SAMD4B: variants seen among roughly 807,000 people sequenced by gnomAD.
SAMD4B encodes the protein protein Smaug homolog 2.
In SAMD4B, 5 loss-of-function variants were observed where a neutral mutation model predicts 74.5. The ratio of observed to expected loss-of-function variants is 0.07; its 90% CI spans 0.04 to 0.14. The LOEUF is 0.14. SAMD4B is among the 10% of genes least tolerant of loss of function. SAMD4B has a pLI of 1.00. For synonymous variants in SAMD4B, 373 were observed against 374.9 expected, an observed-to-expected ratio of 1.00 and a Z score of 0.06; for missense variants, 608 against 921.8, an observed-to-expected ratio of 0.66 and a Z score of 4.41.
intron 1 of SAMD4B, chr19:39,350,411 G>C (rs923654154): frequency 2.0e-5 from 3 of 152,212 alleles, no homozygotes; most frequent in Non-Finnish European, 4.4e-5. Context: ...TGGGCATATG[G>C]GCCTTTTCTC....
chr19:39,343,965 A>C (rs2075510687), intron 1 of SAMD4B, among the ~76,000 whole-genome samples: 1 of 132,820 alleles, frequency 7.5e-6, no homozygotes. Flanking sequence ...GACCCCTCTG[A>C]TATGCAGGTT....
intron 4 of SAMD4B, among the ~76,000 whole-genome samples, chr19:39,371,321 T>G (rs534891266): frequency 6.6e-6 from 1 of 152,254 alleles, no homozygotes; most frequent in African/African-American, 2.4e-5. Flanking sequence ...CTTGAGCCTG[T>G]TTTTCCCCCA....
chr19:39,375,618 C>G lies in SAMD4B; in HGVS notation c.668-32C>G. The G allele has an allele frequency of 6.3e-7, 1 of 1,588,948 alleles. No individual in the cohort carries two copies. Among genetic ancestry groups the G allele is most frequent in the Admixed American group, 1.7e-5 (1 of 59,240 alleles). On this transcript the variant is annotated intron_variant, in intron 4 of 13. Transcript: ENST00000610417. This position sits in a 1 kb window ranked among gnomAD's most constrained non-coding sequence, Gnocchi z 4.1. ...GTCTCCTGTGGTTGGGTCCCCAGGT[C>G]TAATATTTTGCTTTTCTCCCACTCT...
chr19:39,383,591 G>A lies in SAMD4B; in HGVS notation c.*64G>A, dbSNP rs942855390. ...CGGCGGGCGGGGGCCAACCCCCAACGGGCTTCTCCGCGACAGCGAGAGGGT... is the reference window on the plus strand; with the variant it reads ...CGGCGGGCGGGGGCCAACCCCCAACAGGCTTCTCCGCGACAGCGAGAGGGT... On this transcript the variant is annotated 3_prime_UTR_variant, in exon 14 of 14. Transcript: ENST00000610417. This position sits in a 1 kb window ranked among gnomAD's most constrained non-coding sequence, Gnocchi z 4.1. 9.3e-6 allele frequency: 15 copies of A among 1,613,890 alleles called. No homozygotes were observed. Among genetic ancestry groups the A allele is most frequent in the African/African-American group, 5.3e-5 (4 of 74,926 alleles).
At chr19:39,353,136 C>A (rs2076147799) in intron 1 of SAMD4B, among the ~76,000 whole-genome samples, 1 of 152,126 alleles carries the variant, frequency 6.6e-6, no homozygotes, top group African/African-American at 2.4e-5. Context: ...GGACTGAAAG[C>A]CACAAAATGC....
In SAMD4B at chr19:39,385,124, T is replaced by G. The variant is rs2145916646; in HGVS notation, c.*1597T>G. The G allele has an allele frequency of 6.5e-6, 1 of 154,794 alleles. No individual in the cohort carries two copies. Among genetic ancestry groups the G allele is most frequent in the African/African-American group, 2.4e-5 (1 of 41,604 alleles). The allele number at this position is 154,794 out of a possible 1,614,324, so 9.6% of individuals were successfully genotyped here. On this transcript the variant is annotated 3_prime_UTR_variant, in exon 14 of 14. Coordinates refer to ENST00000610417, the MANE Select transcript of SAMD4B (RefSeq NM_001384574.2). ...GGGCTGGGTGGGGTGTCAGGTTTAT[T>G]TATGTACCTCTTGCACACTCATCAA...
At chr19:39,368,664 A>G (rs2077114871) in intron 3 of SAMD4B, among the ~76,000 whole-genome samples, 1 of 152,220 alleles carries the variant, frequency 6.6e-6, no homozygotes, top group Non-Finnish European at 1.5e-5. Context: ...ATCTGGATGT[A>G]TGGGATCGAT....
intron 1 of SAMD4B, among the ~76,000 whole-genome samples, chr19:39,348,057 G>T (rs2075806172): frequency 6.6e-6 from 1 of 152,184 alleles, no homozygotes; most frequent in South Asian, 2.1e-4. Flanking sequence ...GGAGGTGACA[G>T]TTGAGCCTGA....
chr19:39,389,233 G>GGACA, downstream of SAMD4B: 1 of 1,607,612 alleles, frequency 6.2e-7, no homozygotes, highest in Non-Finnish European at 8.5e-7. The surrounding 1 kb of genome is among the most constrained non-coding windows in gnomAD (Gnocchi z 5.3). Context: ...AGGGGCCACT[G>GGACA]GACACACCTA....
At chr19:39,369,284 G>A (rs2145670333) in intron 3 of SAMD4B, 1 of 292,014 alleles carries the variant, frequency 3.4e-6, no homozygotes. Flanking sequence ...GCCCCAGTAT[G>A]GTGACCTCCT....
At chr19:39,386,842 T>A, downstream of SAMD4B, 2 of 1,356,530 alleles carry the variant, frequency 1.5e-6, no homozygotes, top group Non-Finnish European at 2.1e-6. The surrounding 1 kb of genome is among the most constrained non-coding windows in gnomAD (Gnocchi z 6.1). Context: ...AAGATGCAGT[T>A]AAAGACACAC....
chr19:39,378,055 C>T lies in SAMD4B; in HGVS notation c.1444+231C>T, dbSNP rs1179404081. The stretch of plus-strand genomic sequence containing the variant: ...CCCCTCAAAGCGTCTCCAGGCTGAG[C>T]AGAAATGGGGCAGTGGGTCAGAAGA... On this transcript the variant is annotated intron_variant, in intron 8 of 13. Coordinates refer to ENST00000610417, the MANE Select transcript of SAMD4B (RefSeq NM_001384574.2). The surrounding 1 kb of genome is among the most constrained non-coding windows in gnomAD (Gnocchi z 4.4). Among the ~76,000 whole-genome samples, 1 of 152,190 alleles carries T rather than the reference C, an allele frequency of 6.6e-6. No individual in the cohort carries two copies. The highest frequency in any genetic ancestry group is 1.5e-5 in the Non-Finnish European group (1 of 68,050).
In SAMD4B at chr19:39,375,224, G is replaced by C. The variant is rs2077532093; in HGVS notation, c.668-426G>C. On this transcript the variant is annotated intron_variant, in intron 4 of 13. Transcript: ENST00000610417. This position sits in a 1 kb window ranked among gnomAD's most constrained non-coding sequence, Gnocchi z 4.1. ...TGCATGGCCTTTTAGGCATGTGGAA[G>C]CATTTGTATTTTGTTCCCACTATGA... Among the ~76,000 whole-genome samples the C allele has an allele frequency of 6.6e-6, 1 of 152,206 alleles. No individual in the cohort carries two copies. The highest frequency in any genetic ancestry group is 1.5e-5 in the Non-Finnish European group (1 of 68,030).
chr19:39,371,681 G>A lies in SAMD4B; in HGVS notation c.667+1556G>A, dbSNP rs2077306147. ...AAAATATAAAAATTAGCTGGGTATG[G>A]TGGTGCATGCCTATAATTCCAGTTA... On this transcript the variant is annotated intron_variant, in intron 4 of 13. Transcript: ENST00000610417. Among the ~76,000 whole-genome samples the A allele has an allele frequency of 2.0e-5, 3 of 152,188 alleles. 1 individual carries two copies. In the South Asian group the frequency reaches 6.2e-4, roughly 32 times the overall value.
At chr19:39,372,997 C>T (rs2077396002) in intron 4 of SAMD4B, among the ~76,000 whole-genome samples, 1 of 152,138 alleles carries the variant, frequency 6.6e-6, no homozygotes, top group South Asian at 2.1e-4. Context: ...TTGCCCTGTC[C>T]CTTAGGTGAC....
chr19:39,376,677 T>C (rs1026403052), intron 6 of SAMD4B, 28 bp from the exon 7 acceptor site: 28 of 1,609,428 alleles, frequency 1.7e-5, no homozygotes, highest in Non-Finnish European at 2.0e-5. Context: ...CATCTCTAGC[T>C]TCCTGTCCCC....
At chr19:39,343,225 T>C (rs1840376023) in intron 1 of SAMD4B, among the ~76,000 whole-genome samples, 1 of 149,540 alleles carries the variant, frequency 6.7e-6, no homozygotes, top group South Asian at 2.1e-4. Context: ...CTCACCCGAC[T>C]TCCCCCTCCC....
intron 9 of SAMD4B, 91 bp from the exon 10 acceptor site, chr19:39,379,875 A>C: frequency 5.4e-6 from 6 of 1,116,202 alleles, no homozygotes; most frequent in Non-Finnish European, 6.6e-6. Flanking sequence ...CGGCCAGGCA[A>C]TAAATATTTG....
chr19:39,380,107 G>C, intron 10 of SAMD4B, 23 bp downstream of exon 10: 2 of 1,583,164 alleles, frequency 1.3e-6, no homozygotes, highest in Non-Finnish European at 1.7e-6. Context: ...CCAGGTTACA[G>C]GGACCTGCCC....
Sources: gnomAD v4.1 joint callset for allele counts (sites outside exome capture counted in the v4.1 genomes callset) on GRCh38, gnomAD v4.1.1 for gene constraint, Gnocchi (gnomAD v3.1) non-coding constraint, MANE v1.5 for transcripts, NCBI Gene and HGNC (gene_info 2026-07-23, HGNC 2026-07-21) for gene names.